CTNNA3: variants seen among roughly 807,000 people sequenced by gnomAD.
The protein encoded by CTNNA3 is catenin alpha 3.
A neutral mutation model predicts 95.7 loss-of-function variants in CTNNA3; 76 were observed. The observed-to-expected ratio is 0.79, with a 90% CI of 0.66 to 0.96. The LOEUF is 0.96. CTNNA3 is among the 40% of genes least tolerant of loss of function. CTNNA3 has a pLI of 0.00. For synonymous variants in CTNNA3, 431 were observed against 374.4 expected, an observed-to-expected ratio of 1.15 and a Z score of -1.74; for missense variants, 1,191 against 1,089.8, an observed-to-expected ratio of 1.09 and a Z score of -1.31.
intron 13 of CTNNA3, among the ~76,000 whole-genome samples, chr10:66,104,477 A>G (rs1056425510): frequency 3.9e-5 from 6 of 152,154 alleles, no homozygotes; most frequent in Admixed American, 1.3e-4. Flanking sequence ...TTGGGGATAC[A>G]AGTGGGTTTT....
intron 17 of CTNNA3, among the ~76,000 whole-genome samples, chr10:65,957,781 G>T (rs2077762992): frequency 6.6e-6 from 1 of 152,172 alleles, no homozygotes; most frequent in Admixed American, 6.5e-5. Flanking sequence ...GCTTCCCTCT[G>T]TGGGTAACCC....
chr10:66,729,918 T>C (rs1459040751), intron 9 of CTNNA3, among the ~76,000 whole-genome samples: 4 of 151,234 alleles, frequency 2.6e-5, no homozygotes, highest in Admixed American at 1.3e-4. Context: ...TCCTGGCTAA[T>C]GCGGTGAAAC....
At chr10:67,274,716 C>A (rs1306301920) in intron 5 of CTNNA3, among the ~76,000 whole-genome samples, 1 of 151,942 alleles carries the variant, frequency 6.6e-6, no homozygotes, top group Non-Finnish European at 1.5e-5. Context: ...GTGTCCCCAG[C>A]TACTCAGAGG....
At chr10:66,016,149 G>A (rs2394156) in intron 15 of CTNNA3, among the ~76,000 whole-genome samples, 32,078 of 151,998 alleles carry the variant, frequency 0.21, 3,759 homozygotes, top group East Asian at 0.51. Flanking sequence ...ATAGTTGGGA[G>A]ATGCCTAAGG....
chr10:66,530,321 A>T (rs1020434435), intron 10 of CTNNA3, among the ~76,000 whole-genome samples: 4 of 152,172 alleles, frequency 2.6e-5, no homozygotes, highest in Non-Finnish European at 4.4e-5. Flanking sequence ...AACCACTTAA[A>T]TTGGTAACAT....
intron 7 of CTNNA3, among the ~76,000 whole-genome samples, chr10:67,167,809 C>A (rs1861842669): frequency 6.6e-6 from 1 of 152,076 alleles, no homozygotes; most frequent in Non-Finnish European, 1.5e-5. Context: ...TTTATTACCC[C>A]AACAGTAGCA....
chr10:67,388,145 G>T (rs528322776), intron 5 of CTNNA3, among the ~76,000 whole-genome samples: 1 of 130,956 alleles, frequency 7.6e-6, no homozygotes, highest in South Asian at 2.9e-4. Context: ...CAAAGGCAAA[G>T]AAGTTGAAAA....
rs531599475 is a variant in CTNNA3, at chr10:66,514,629, C to A, written c.1531+5988G>T. ...CCACCACAGTTCTTTTGCAAGTAAT[C>A]TCTTCCACTACCTTTTACTCATTGT... On this transcript the variant is annotated intron_variant, in intron 11 of 17. Transcript: ENST00000433211. Among the ~76,000 whole-genome samples the A allele has an allele frequency of 7.6e-4, 115 of 152,132 alleles. 9 individuals are homozygous for A. The highest frequency in any genetic ancestry group is 2.8e-4 in the Non-Finnish European group (19 of 68,028).
At chr10:66,419,088 C>G (rs7899122) in intron 11 of CTNNA3, among the ~76,000 whole-genome samples, 40,237 of 151,956 alleles carry the variant, frequency 0.26, 5,483 homozygotes, top group South Asian at 0.39. Context: ...AATTGTCCCT[C>G]TTTGCAGATG....
intron 7 of CTNNA3, among the ~76,000 whole-genome samples, chr10:67,138,263 CAAAG>C (rs1860390263): frequency 6.6e-6 from 1 of 152,090 alleles, no homozygotes. Context: ...GTCCCATAAA[CAAAG>C]AAGCCAGCAG....
At chr10:67,164,320 C>A (rs369888412) in intron 7 of CTNNA3, among the ~76,000 whole-genome samples, 2 of 151,960 alleles carry the variant, frequency 1.3e-5, no homozygotes, top group Non-Finnish European at 2.9e-5. Context: ...ACAAGTACAG[C>A]AAATTGATTT....
chr10:66,429,760 A>G (rs548161705), intron 11 of CTNNA3, among the ~76,000 whole-genome samples: 2 of 152,304 alleles, frequency 1.3e-5, no homozygotes, highest in South Asian at 4.1e-4. Flanking sequence ...TCTAAAAATA[A>G]TAACAGCTAC....
At chr10:66,047,748 A>C (rs1459105380) in intron 15 of CTNNA3, among the ~76,000 whole-genome samples, 2 of 152,146 alleles carry the variant, frequency 1.3e-5, no homozygotes, top group Non-Finnish European at 2.9e-5. Context: ...GTCAGCCCAA[A>C]ATCTCCTCCA....
intron 7 of CTNNA3, among the ~76,000 whole-genome samples, chr10:67,107,286 A>T (rs567266025): frequency 6.6e-6 from 1 of 152,290 alleles, no homozygotes; most frequent in South Asian, 2.1e-4. Flanking sequence ...GCAAGCCTAC[A>T]TATTTCCCAC....
intron 7 of CTNNA3, among the ~76,000 whole-genome samples, chr10:66,836,614 C>A (rs939977190): frequency 5.3e-5 from 8 of 152,102 alleles, no homozygotes; most frequent in Admixed American, 3.9e-4. Context: ...ATAAGTGATT[C>A]CATCTGAGGA....
intron 13 of CTNNA3, among the ~76,000 whole-genome samples, chr10:66,211,351 G>C (rs1037004173): frequency 6.6e-6 from 1 of 152,186 alleles, no homozygotes; most frequent in African/African-American, 2.4e-5. Flanking sequence ...CAGATATGGG[G>C]ACAGCAGATA....
At chr10:67,083,134 A>G (rs947056844) in intron 7 of CTNNA3, among the ~76,000 whole-genome samples, 1 of 152,148 alleles carries the variant, frequency 6.6e-6, no homozygotes, top group African/African-American at 2.4e-5. Flanking sequence ...TTAAACTTTG[A>G]ATCCCTTTAA....
chr10:65,955,821 T>C (rs188727797), intron 17 of CTNNA3, among the ~76,000 whole-genome samples: 1 of 152,204 alleles, frequency 6.6e-6, no homozygotes, highest in African/African-American at 2.4e-5. Flanking sequence ...GGCATCAATG[T>C]TCATCAGGGA....
At chr10:67,740,243 C>A (rs183246089) in intron 1 of CTNNA3, among the ~76,000 whole-genome samples, 1 of 152,054 alleles carries the variant, frequency 6.6e-6, no homozygotes, top group African/African-American at 2.4e-5. Context: ...AGGACATAGG[C>A]ATGGGCAAAG....
Sources: allele counts gnomAD v4.1 joint callset (sites outside exome capture counted in the v4.1 genomes callset), GRCh38; gene constraint gnomAD v4.1.1; transcripts MANE v1.5; gene names NCBI Gene and HGNC (gene_info 2026-07-23, HGNC 2026-07-21).